The following MAP3K5 variants were observed in gnomAD, a reference collection of about 807,000 sequenced individuals.
MAP3K5 encodes the protein mitogen-activated protein kinase kinase kinase 5.
Under a neutral mutation model 158.7 loss-of-function variants are expected in MAP3K5, and 56 were observed. That is an observed-to-expected ratio of 0.35 (90% confidence interval 0.28 to 0.44). The LOEUF is 0.44. MAP3K5 is among the 20% of genes least tolerant of loss of function. MAP3K5 has a pLI of 1.00. For synonymous variants in MAP3K5, 579 were observed against 601.7 expected (o/e 0.96, Z 0.55); for missense variants, 1,294 against 1,674.8 (o/e 0.77, Z 3.97).
chr6:136,718,275 T>A (rs1303970195), intron 2 of MAP3K5, among the ~76,000 whole-genome samples: 3 of 152,206 alleles, frequency 2.0e-5, no homozygotes, highest in Non-Finnish European at 4.4e-5. Flanking sequence ...AGTGGTGTGA[T>A]CTCAGCTTAC....
chr6:136,768,916 C>CAA (rs755516570), intron 1 of MAP3K5, among the ~76,000 whole-genome samples: 6 of 114,424 alleles, frequency 5.2e-5, no homozygotes, highest in Admixed American at 1.8e-4. Context: ...AACTCCATGT[C>CAA]AAAAAAAAAA....
rs144900914 is a variant in MAP3K5, at chr6:136,580,310, G to A, written c.3508C>T (p.Leu1170=). 6.2e-6 allele frequency: 10 copies of A among 1,608,544 alleles called. No homozygotes were observed. Among genetic ancestry groups the A allele is most frequent in the Non-Finnish European group, 8.5e-6 (10 of 1,175,040 alleles). ...ATTAAATATCTCTGACCTGGAACCA[G>A]GATGGTAATGGCTGTCTGTACCGCC... The part of the protein sequence containing the change: ...RKAVQTAITI[L]VPELRPHFSL... The change falls in exon 25 of 30, where the codon CTG becomes TTG. Residue 1170 remains leucine (L), a synonymous_variant. Transcript: ENST00000359015.
intron 14 of MAP3K5, among the ~76,000 whole-genome samples, chr6:136,633,069 T>C (rs761826722): frequency 6.6e-6 from 1 of 152,142 alleles, no homozygotes; most frequent in Non-Finnish European, 1.5e-5. Flanking sequence ...TTGAATATTA[T>C]TTTAAAAATT....
At chr6:136,784,929 T>C (rs2115053829) in intron 1 of MAP3K5, among the ~76,000 whole-genome samples, 1 of 152,352 alleles carries the variant, frequency 6.6e-6, no homozygotes, top group Admixed American at 6.5e-5. Context: ...TTTTCCTCAC[T>C]TTCTCTACTT....
chr6:136,740,960 C>G (rs1782681965), intron 1 of MAP3K5, among the ~76,000 whole-genome samples: 1 of 152,098 alleles, frequency 6.6e-6, no homozygotes, highest in South Asian at 2.1e-4. Context: ...ATTTTTTTCA[C>G]TCCTGGAGAG....
intron 14 of MAP3K5, among the ~76,000 whole-genome samples, chr6:136,623,373 T>A (rs1407068591): frequency 6.6e-6 from 1 of 152,246 alleles, no homozygotes; most frequent in Non-Finnish European, 1.5e-5. Flanking sequence ...CAGCTTTTGA[T>A]GCTGTTAAAG....
intron 18 of MAP3K5, among the ~76,000 whole-genome samples, chr6:136,608,805 A>G (rs1363760765): frequency 6.6e-6 from 1 of 152,224 alleles, no homozygotes; most frequent in African/African-American, 2.4e-5. Flanking sequence ...GCAAGGTAAC[A>G]CAGTAAGCAC....
chr6:136,704,125 T>C (rs959022817), intron 3 of MAP3K5, among the ~76,000 whole-genome samples: 5 of 151,784 alleles, frequency 3.3e-5, no homozygotes, highest in African/African-American at 7.3e-5. Context: ...AGGAATTCTG[T>C]AGTGTGGTCT....
intron 14 of MAP3K5, among the ~76,000 whole-genome samples, chr6:136,623,911 G>A (rs1776918578): frequency 1.3e-5 from 2 of 152,172 alleles, no homozygotes; most frequent in Admixed American, 6.5e-5. Context: ...AATTATTTCT[G>A]GCCAGGTGTG....
rs1223054758 is a variant in MAP3K5, at chr6:136,574,683, CT to C, written c.3517+5617del. On this transcript the variant is annotated intron_variant, in intron 25 of 29. Transcript: ENST00000359015. ...CTCCTTTTGGAAAAAAGATTAAACA[CT>C]TTTTTTTTTTTTTTTTTTTTTTGAG... Among the ~76,000 whole-genome samples the C allele has an allele frequency of 4.3e-3, 469 of 108,540 alleles. 1 individual carries two copies. The highest frequency in any genetic ancestry group is 6.1e-3 in the Non-Finnish European group (342 of 56,126). 71.2% of individuals were successfully genotyped at this position (108,540 alleles called of 152,430 possible).
rs554952371 is a variant in MAP3K5 at position 136,575,263 on chromosome 6, T to C, written c.3517+5038A>G. 1.6e-4 allele frequency among the ~76,000 whole-genome samples: 24 copies of C among 151,142 alleles called. No homozygotes were observed. The East Asian group carries it at 2.9e-3, about 19-fold the overall frequency. On this transcript the variant is annotated intron_variant, in intron 25 of 29. Coordinates refer to ENST00000359015, the MANE Select transcript of MAP3K5 (RefSeq NM_005923.4). Reference sequence around the variant, plus strand: ...TGTGGCCTTGACCTCCTGGGCTCAATTGATCCTCTCACCTCAGCCTCCCTA... The same window carrying C: ...TGTGGCCTTGACCTCCTGGGCTCAACTGATCCTCTCACCTCAGCCTCCCTA...
At chr6:136,724,714 G>A (rs1781893608) in intron 1 of MAP3K5, among the ~76,000 whole-genome samples, 1 of 152,100 alleles carries the variant, frequency 6.6e-6, no homozygotes, top group Non-Finnish European at 1.5e-5. Context: ...AAAAAGGTTG[G>A]CTTTTTTCTA....
intron 1 of MAP3K5, among the ~76,000 whole-genome samples, chr6:136,778,924 G>C (rs1423993032): frequency 6.6e-6 from 1 of 152,148 alleles, no homozygotes; most frequent in Non-Finnish European, 1.5e-5. Flanking sequence ...CCAGCACTTT[G>C]GGGGACAGAT....
chr6:136,571,436 G>C (rs1420303201), intron 25 of MAP3K5, among the ~76,000 whole-genome samples: 1 of 152,076 alleles, frequency 6.6e-6, no homozygotes, highest in Non-Finnish European at 1.5e-5. Flanking sequence ...AAGCCACTGG[G>C]TGCCACTCCC....
At chr6:136,635,125 G>T (rs1334005184) in intron 14 of MAP3K5, among the ~76,000 whole-genome samples, 2 of 141,634 alleles carry the variant, frequency 1.4e-5, no homozygotes. Context: ...GCTATCTCTG[G>T]TTTAAAAAAA....
At chr6:136,602,693 C>T (rs1775931905) in intron 19 of MAP3K5, among the ~76,000 whole-genome samples, 1 of 152,146 alleles carries the variant, frequency 6.6e-6, no homozygotes, top group Non-Finnish European at 1.5e-5. Context: ...TCAAATCCTT[C>T]CAACAATCCA....
intron 25 of MAP3K5, among the ~76,000 whole-genome samples, chr6:136,578,637 T>A (rs566675567): frequency 6.6e-6 from 1 of 151,916 alleles, no homozygotes; most frequent in South Asian, 2.1e-4. Flanking sequence ...AGGAGAGACA[T>A]GGGGTGGAGG....
At chr6:136,583,842 T>C in intron 23 of MAP3K5, 102 bp from the exon 24 acceptor site, 2 of 1,123,418 alleles carry the variant, frequency 1.8e-6, no homozygotes, top group East Asian at 4.9e-5. Flanking sequence ...TTTTTTCTTT[T>C]GGTAGAGACA....
At chr6:136,764,415 G>A (rs1443613265) in intron 1 of MAP3K5, among the ~76,000 whole-genome samples, 1 of 152,162 alleles carries the variant, frequency 6.6e-6, no homozygotes, top group Non-Finnish European at 1.5e-5. Flanking sequence ...CATGAGAGAA[G>A]TCCAACCGGG....
Sources: allele counts gnomAD v4.1 joint callset (sites outside exome capture counted in the v4.1 genomes callset), GRCh38; gene constraint gnomAD v4.1.1; transcripts MANE v1.5; gene names NCBI Gene and HGNC (gene_info 2026-07-23, HGNC 2026-07-21).